The following NCKIPSD variants were observed in gnomAD, a reference collection of about 807,000 sequenced individuals.
NCKIPSD encodes NCK-interacting protein with SH3 domain.
Under a neutral mutation model 73.4 loss-of-function variants are expected in NCKIPSD, and 48 were observed. That is an observed-to-expected ratio of 0.65 (90% CI 0.52 to 0.83). The LOEUF is 0.83. Ranked by LOEUF, NCKIPSD falls within the 40% of genes least tolerant of loss-of-function variation. NCKIPSD has a pLI of 0.00. For synonymous variants in NCKIPSD, 422 were observed against 403.6 expected (o/e 1.05, Z -0.54); for missense variants, 884 against 970.2 (o/e 0.91, Z 1.18).
At chr3:48,675,350 T>C (rs1356747414) in intron 12 of NCKIPSD, among the ~76,000 whole-genome samples, 1 of 151,502 alleles carries the variant, frequency 6.6e-6, no homozygotes. Context: ...TTGCTTCTTG[T>C]CTCCCACATA....
At chr3:48,684,944 T>G (rs1201468268) in intron 1 of NCKIPSD, among the ~76,000 whole-genome samples, 1 of 151,894 alleles carries the variant, frequency 6.6e-6, no homozygotes, top group Non-Finnish European at 1.5e-5. Flanking sequence ...GCATGGGTCC[T>G]TGGTTCAAAT....
At chr3:48,682,226 G>A (rs1048755048) in intron 3 of NCKIPSD, 70 bp from the exon 4 acceptor site, 48 of 1,566,046 alleles carry the variant, frequency 3.1e-5, no homozygotes, top group Non-Finnish European at 4.2e-5. Flanking sequence ...CGGGCCCTGA[G>A]CCCTGGCTGT....
At chr3:48,682,274 TG>T in intron 3 of NCKIPSD, 73 bp downstream of exon 3, 1 of 1,592,946 alleles carries the variant, frequency 6.3e-7, no homozygotes, top group Non-Finnish European at 8.6e-7. Flanking sequence ...CACTCCTGAG[TG>T]GACCCCTTGA....
Position 48,679,803 on chromosome 3 carries a change from T to C in NCKIPSD, c.1348A>G (p.Met450Val), listed in dbSNP as rs761976706. Residue 450 changes from methionine (M) to valine (V), a missense_variant and splice_region_variant, in exon 7 of 13, where the codon ATG (methionine) becomes GTG (valine). Met to Val is a conservative substitution (Grantham distance 21). Coordinates refer to ENST00000294129, the MANE Select transcript of NCKIPSD (RefSeq NM_016453.4). ...SVLALVAYYQMEHRASLRLLL... is the reference protein window; with the variant it reads ...SVLALVAYYQVEHRASLRLLL... ...CCTCCCCTCCATCCTGCACATACCA[T>C]TTGGTAATAGGCCACCAAGGCCAGG... 3 of 1,614,202 alleles carry C rather than the reference T, an allele frequency of 1.9e-6. No homozygotes were observed. The highest frequency in any genetic ancestry group is 2.5e-6 in the Non-Finnish European group (3 of 1,180,016).
Position 48,680,114 on chromosome 3 carries a change from A to G in NCKIPSD, c.1208T>C (p.Leu403Pro). ...GCGGATGACACCCTCATCCTCATATAGTGCCCAACTGCGCTGCTGGGCGTC... is the reference window on the plus strand; with the variant it reads ...GCGGATGACACCCTCATCCTCATATGGTGCCCAACTGCGCTGCTGGGCGTC... Reference protein sequence around the residue: ...KDDAQQRSWALYEDEGVIRCY... With the variant: ...KDDAQQRSWAPYEDEGVIRCY... Residue 403 changes from leucine (L) to proline (P), a missense_variant, in exon 6 of 13, where the codon CTA (leucine) becomes CCA (proline). Physicochemically the swap from Leu to Pro is moderately conservative, Grantham distance 98. Transcript: ENST00000294129. The G allele has an allele frequency of 6.2e-7, 1 of 1,614,138 alleles. No homozygotes were observed. The highest frequency in any genetic ancestry group is 1.1e-5 in the South Asian group (1 of 91,080).
Position 48,680,231 on chromosome 3 carries a change from T to C in NCKIPSD, c.1093-2A>G. ...TGAGGGCAGGGCCATGCTGAGGTCC[T>C]AGAGGGAGAGGGCAAGGCATGACTC... On this transcript the variant is annotated splice_acceptor_variant, in intron 5 of 12. Coordinates refer to ENST00000294129, the MANE Select transcript of NCKIPSD (RefSeq NM_016453.4). LOFTEE classifies it high-confidence loss of function. 6.2e-7 allele frequency: 1 copy of C among 1,605,296 alleles called. No homozygotes were observed. The highest frequency in any genetic ancestry group is 8.5e-7 in the Non-Finnish European group (1 of 1,174,644).
intron 12 of NCKIPSD, among the ~76,000 whole-genome samples, chr3:48,677,247 G>A (rs967372126): frequency 6.6e-6 from 1 of 151,780 alleles, no homozygotes; most frequent in African/African-American, 2.4e-5. Context: ...AATTAGCTGG[G>A]TGTGGTAGTG....
chr3:48,685,564 G>C (rs2077424186), intron 1 of NCKIPSD, 73 bp downstream of exon 1: 1 of 1,446,110 alleles, frequency 6.9e-7, no homozygotes, highest in Non-Finnish European at 9.0e-7. Flanking sequence ...GGGGTCCCTG[G>C]GTCGGTTCCG....
Position 48,680,058 on chromosome 3 carries a change from C to A in NCKIPSD, c.1263+1G>T. 1 of 1,609,504 alleles carries A rather than the reference C, an allele frequency of 6.2e-7. No individual in the cohort carries two copies. The highest frequency in any genetic ancestry group is 8.5e-7 in the Non-Finnish European group (1 of 1,176,608). ...GTATGTGTGTGGGACCCCACCCTTACCAGAATATGCAGCAGCTCCTCTAGG... is the reference window on the plus strand; with the variant it reads ...GTATGTGTGTGGGACCCCACCCTTAACAGAATATGCAGCAGCTCCTCTAGG... On this transcript the variant is annotated splice_donor_variant, in intron 6 of 12. Transcript: ENST00000294129. LOFTEE classifies it high-confidence loss of function.
Position 48,683,011 on chromosome 3 carries a change from C to T in NCKIPSD, c.173G>A (p.Gly58Asp), listed in dbSNP as rs774843471. The change falls in exon 2 of 13, where the codon GGC (glycine) becomes GAC (aspartate). Residue 58 changes from glycine (G) to aspartate (D), a missense_variant and splice_region_variant. Coordinates refer to ENST00000294129, the MANE Select transcript of NCKIPSD (RefSeq NM_016453.4). Reference protein sequence around the residue: ...VPPAYLRRLQGLEQDVLQAID... With the variant: ...VPPAYLRRLQDLEQDVLQAID... ...GGCCTGGAGGACATCCTGCTCCAGGCCCTGGGGGGGGCAGGGGACAGCAGT... is the reference window on the plus strand; with the variant it reads ...GGCCTGGAGGACATCCTGCTCCAGGTCCTGGGGGGGGCAGGGGACAGCAGT... The T allele has an allele frequency of 6.5e-7, 1 of 1,549,730 alleles. No individual in the cohort carries two copies.
chr3:48,679,997 A>T, intron 6 of NCKIPSD, 62 bp downstream of exon 6: 3 of 1,604,284 alleles, frequency 1.9e-6, no homozygotes, highest in Non-Finnish European at 2.6e-6. Context: ...ACTGTGAGGG[A>T]TGCTACAGGG....
In NCKIPSD at chr3:48,674,177, T is replaced by G; in HGVS notation, c.*367A>C. On this transcript the variant is annotated 3_prime_UTR_variant, in exon 13 of 13. Coordinates refer to ENST00000294129, the MANE Select transcript of NCKIPSD (RefSeq NM_016453.4). ...CTCCCCTCACCCCAGGGGCATGGCT[T>G]GCTGAGGCCCAGGATACAGACCAGG... The G allele has an allele frequency of 8.5e-7, 1 of 1,173,940 alleles. No homozygotes were observed. Among genetic ancestry groups the G allele is most frequent in the East Asian group, 3.9e-5 (1 of 25,436 alleles). The allele number at this position is 1,173,940 out of a possible 1,614,324, so 72.7% of individuals were successfully genotyped here. A position where few individuals can be genotyped will look rare whatever the true frequency, so the allele number is the denominator to read the frequency against.
Position 48,681,503 on chromosome 3 carries a change from T to G in NCKIPSD, c.876A>C (p.Thr292=). ...SASDDLEALG[T]LSLGTTEEKA... ...TCTCCTCTGTGGTCCCCAGGCTCAG[T>G]GTACCCAGGGCTTCCAGGTCATCAG... is the stretch of plus-strand genomic sequence containing the variant. Residue 292 remains threonine (T), a synonymous_variant, in exon 5 of 13, where the codon ACA becomes ACC. Transcript: ENST00000294129. 6.2e-7 allele frequency: 1 copy of G among 1,614,170 alleles called. No homozygotes were observed. Among genetic ancestry groups the G allele is most frequent in the South Asian group, 1.1e-5 (1 of 91,084 alleles).
Position 48,685,204 on chromosome 3 carries a change from AG to A in NCKIPSD, c.171+432del, listed in dbSNP as rs1208837772. On this transcript the variant is annotated intron_variant, in intron 1 of 12. Transcript: ENST00000294129. ...GGGGGAAGAAGGAAGGGAGGGAGGG[AG>A]GGAGGGAGGGAGGGAGGGAGGGAGG... is the stretch of plus-strand genomic sequence containing the variant. 4.1e-3 allele frequency among the ~76,000 whole-genome samples: 24 copies of A among 5,892 alleles called. 1 individual carries two copies. The highest frequency in any genetic ancestry group is 0.031 in the Admixed American group (15 of 486). The allele number at this position is 5,892 out of a possible 152,430, so 3.9% of individuals were successfully genotyped here.
rs2077324101 is a variant in NCKIPSD at position 48,679,969 on chromosome 3, G to T, written c.1264-82C>A. On this transcript the variant is annotated intron_variant, in intron 6 of 12. Transcript: ENST00000294129. ...ACAAGAGAGGGCTGAGCACATATGT[G>T]TAGGGGAGACTCCTAGCACTGTGAG... is the stretch of plus-strand genomic sequence containing the variant. 1.9e-6 allele frequency: 3 copies of T among 1,610,694 alleles called. No individual in the cohort carries two copies. In the South Asian group the frequency reaches 3.3e-5, roughly 18 times the overall value.
In NCKIPSD at chr3:48,681,617, G is replaced by A. The variant is rs1248456710; in HGVS notation, c.762C>T (p.Thr254=). The change falls in exon 5 of 13, where the codon ACC becomes ACT. Residue 254 remains threonine (T), a synonymous_variant. Transcript: ENST00000294129. The part of the protein sequence containing the change: ...PPVPRRGTHT[T]VSQVQPPPSK... ...AGGGAGGGGGCTGGACTTGGGACAC[G>A]GTGGTGTGGGTGCCTCGGCGGGGCA... is the stretch of plus-strand genomic sequence containing the variant. 5 of 1,613,866 alleles carry A rather than the reference G, an allele frequency of 3.1e-6. No individual in the cohort carries two copies. Among genetic ancestry groups the A allele is most frequent in the East Asian group, 2.2e-5 (1 of 44,898 alleles).
rs2077316952 is a variant in NCKIPSD, at chr3:48,679,699, T to G, written c.1365A>C (p.Ser455=). Residue 455 remains serine (S), a synonymous_variant, in exon 8 of 13, where the codon TCA becomes TCC. Transcript: ENST00000294129. ...AGCACTTGAGGAGCAGCAGCCGCAGTGATGCTCGGTGTTCCTGGCAGGGAA... is the reference window on the plus strand; with the variant it reads ...AGCACTTGAGGAGCAGCAGCCGCAGGGATGCTCGGTGTTCCTGGCAGGGAA... The part of the protein sequence containing the change: ...VAYYQMEHRA[S]LRLLLLKCFG... 6.2e-7 allele frequency: 1 copy of G among 1,614,068 alleles called. No homozygotes were observed. The highest frequency in any genetic ancestry group is 1.1e-5 in the South Asian group (1 of 91,090).
At chr3:48,683,801 C>T (rs942031269) in intron 1 of NCKIPSD, among the ~76,000 whole-genome samples, 18 of 152,088 alleles carry the variant, frequency 1.2e-4, no homozygotes, top group Non-Finnish European at 2.1e-4. Flanking sequence ...CCCTGGCACA[C>T]GTAGTCCATC....
At position 48,685,849 on chromosome 3, in the gene NCKIPSD, C is replaced by A; in HGVS notation, c.-42G>T. Reference sequence around the variant, plus strand: ...GGTGCAGGGAAGGTGGCAAGGGCTGCGGCGCCACAACGCCAGGCCGGGAGC... The same window carrying A: ...GGTGCAGGGAAGGTGGCAAGGGCTGAGGCGCCACAACGCCAGGCCGGGAGC... On this transcript the variant is annotated 5_prime_UTR_variant, in exon 1 of 13. Coordinates refer to ENST00000294129, the MANE Select transcript of NCKIPSD (RefSeq NM_016453.4). The A allele has an allele frequency of 7.3e-7, 1 of 1,365,782 alleles. No individual in the cohort carries two copies. The highest frequency in any genetic ancestry group is 9.4e-7 in the Non-Finnish European group (1 of 1,063,552). 84.6% of individuals were successfully genotyped at this position (1,365,782 alleles called of 1,614,324 possible).
Sources: allele counts gnomAD v4.1 joint callset (sites outside exome capture counted in the v4.1 genomes callset), GRCh38; gene constraint gnomAD v4.1.1; transcripts MANE v1.5; gene names NCBI Gene and HGNC (gene_info 2026-07-23, HGNC 2026-07-21).